LINGO2: variants seen among roughly 807,000 people sequenced by gnomAD.
LINGO2 encodes leucine rich repeat and Ig domain containing 2.
LINGO2 carries 14 observed loss-of-function variants against 30.6 expected under a neutral mutation model. The observed-to-expected ratio is 0.46, with a 90% CI of 0.30 to 0.72. LINGO2 has a LOEUF of 0.72. LINGO2 is among the 30% of genes least tolerant of loss of function. The pLI is 0.07. For synonymous variants in LINGO2, 317 were observed against 288.5 expected, an observed-to-expected ratio of 1.10 and a Z score of -1.00; for missense variants, 729 against 751.7, an observed-to-expected ratio of 0.97 and a Z score of 0.35.
the LINGO2 span, among the ~76,000 whole-genome samples, chr9:28,703,660 C>A: frequency 6.6e-6 from 1 of 151,718 alleles, no homozygotes; most frequent in African/African-American, 2.4e-5. Flanking sequence ...TATTTTCTGC[C>A]TGCTGGGTCT....
At chr9:28,421,606 C>CT (rs1431710118) in intron 2 of LINGO2, among the ~76,000 whole-genome samples, 8 of 152,062 alleles carry the variant, frequency 5.3e-5, no homozygotes, top group Admixed American at 4.6e-4. Flanking sequence ...CTCACTCATA[C>CT]TCCAGTCCTG....
At chr9:29,176,166 T>C in the LINGO2 span, among the ~76,000 whole-genome samples, 3 of 152,216 alleles carry the variant, frequency 2.0e-5, no homozygotes, top group Admixed American at 6.5e-5. Context: ...TAATTATGAT[T>C]ACTCCCATTT....
the LINGO2 span, among the ~76,000 whole-genome samples, chr9:28,716,170 A>G: frequency 6.6e-6 from 1 of 151,898 alleles, no homozygotes; most frequent in South Asian, 2.1e-4. Flanking sequence ...TTAAAAAAAA[A>G]AACAACATAA....
At chr9:28,825,961 G>A in the LINGO2 span, among the ~76,000 whole-genome samples, 1 of 152,142 alleles carries the variant, frequency 6.6e-6, no homozygotes, top group Non-Finnish European at 1.5e-5. Context: ...CATTTTCTAT[G>A]ATGATTCCTC....
At chr9:28,613,484 A>G in intron 1 of LINGO2, among the ~76,000 whole-genome samples, 1 of 150,926 alleles carries the variant, frequency 6.6e-6, no homozygotes, top group African/African-American at 2.4e-5. Flanking sequence ...CTACTATGAA[A>G]ACACACACAC....
At chr9:29,088,399 A>G in the LINGO2 span, among the ~76,000 whole-genome samples, 1 of 152,010 alleles carries the variant, frequency 6.6e-6, no homozygotes, top group Non-Finnish European at 1.5e-5. Context: ...TAAAGAGTCG[A>G]CTCTGAGTAA....
the LINGO2 span, among the ~76,000 whole-genome samples, chr9:29,200,219 A>G: frequency 6.6e-6 from 1 of 152,204 alleles, no homozygotes; most frequent in African/African-American, 2.4e-5. Flanking sequence ...AATGGCAGAA[A>G]ATCTGATTAG....
At chr9:28,735,953 G>C in the LINGO2 span, among the ~76,000 whole-genome samples, 3 of 152,298 alleles carry the variant, frequency 2.0e-5, no homozygotes, top group East Asian at 5.8e-4. Context: ...TCAGTGAGCT[G>C]TGTAGATGAG....
chr9:28,314,910 G>A (rs1300629527), intron 3 of LINGO2, among the ~76,000 whole-genome samples: 6 of 150,822 alleles, frequency 4.0e-5, no homozygotes, highest in Non-Finnish European at 8.9e-5. Context: ...GCGTGAACCC[G>A]GGAGGCGGAG....
the LINGO2 span, among the ~76,000 whole-genome samples, chr9:29,083,898 G>A: frequency 3.3e-5 from 5 of 152,030 alleles, no homozygotes; most frequent in African/African-American, 1.2e-4. Context: ...ATTTTAGGAA[G>A]TCTCATAGTA....
intron 3 of LINGO2, among the ~76,000 whole-genome samples, chr9:28,357,278 G>A (rs1048824685): frequency 6.8e-6 from 1 of 146,180 alleles, no homozygotes; most frequent in Non-Finnish European, 1.5e-5. Context: ...CCTTTTATTA[G>A]TTAAACCTCT....
intron 4 of LINGO2, among the ~76,000 whole-genome samples, chr9:28,033,840 G>T (rs1486414773): frequency 6.6e-6 from 1 of 152,184 alleles, no homozygotes; most frequent in East Asian, 1.9e-4. Context: ...CCCAAGTCAT[G>T]TATAGTTCAC....
chr9:28,760,941 T>TACACACAC, the LINGO2 span, among the ~76,000 whole-genome samples: 3 of 109,452 alleles, frequency 2.7e-5, no homozygotes, highest in East Asian at 5.5e-4. Flanking sequence ...TGTATATATA[T>TACACACAC]ATATACACAC....
chr9:28,251,385 A>G (rs1178283329), intron 4 of LINGO2, among the ~76,000 whole-genome samples: 2 of 152,108 alleles, frequency 1.3e-5, no homozygotes, highest in Admixed American at 6.5e-5. Flanking sequence ...TGAGAAGTCT[A>G]TTTTCCTTTG....
chr9:28,021,338 C>CTT (rs1205904247), intron 4 of LINGO2, among the ~76,000 whole-genome samples: 1 of 152,150 alleles, frequency 6.6e-6, no homozygotes, highest in Non-Finnish European at 1.5e-5. Context: ...TTGATTTCTA[C>CTT]TTTAATCCCA....
chr9:28,923,858 G>T, the LINGO2 span, among the ~76,000 whole-genome samples: 1 of 152,074 alleles, frequency 6.6e-6, no homozygotes, highest in African/African-American at 2.4e-5. Context: ...AAGTAAAGAG[G>T]GGGTAAATAA....
the LINGO2 span, among the ~76,000 whole-genome samples, chr9:29,180,501 G>A: frequency 6.6e-6 from 1 of 152,086 alleles, no homozygotes; most frequent in Non-Finnish European, 1.5e-5. Flanking sequence ...ACTGTAGCAG[G>A]CAAAACACCA....
At chr9:28,375,621 G>A (rs34295881) in intron 2 of LINGO2, among the ~76,000 whole-genome samples, 59,985 of 152,062 alleles carry the variant, frequency 0.39, 13,012 homozygotes, top group Non-Finnish European at 0.47. Context: ...AACAGCCTTT[G>A]GAATCCTAAA....
intron 1 of LINGO2, among the ~76,000 whole-genome samples, chr9:28,655,115 T>C (rs928960480): frequency 2.0e-5 from 3 of 152,074 alleles, no homozygotes; most frequent in African/African-American, 7.2e-5. Flanking sequence ...ATTTCCCCCA[T>C]GCTATTATCC....
Sources: allele counts gnomAD v4.1 joint callset (sites outside exome capture counted in the v4.1 genomes callset), GRCh38; gene constraint gnomAD v4.1.1; transcripts MANE v1.5; gene names NCBI Gene and HGNC (gene_info 2026-07-23, HGNC 2026-07-21).